CTNND2: variants seen among roughly 807,000 people sequenced by gnomAD.
The protein encoded by CTNND2 is catenin delta-2.
CTNND2 carries 22 observed loss-of-function variants against 144.4 expected under a neutral mutation model. The ratio of observed to expected loss-of-function variants is 0.15; its 90% confidence interval spans 0.11 to 0.22. The LOEUF (loss-of-function observed/expected upper bound fraction) is 0.22, where lower values mean the gene tolerates loss of function less well. Ranked by LOEUF, CTNND2 falls within the 10% of genes least tolerant of loss-of-function variation. The probability of loss-of-function intolerance (pLI) is 1.00; values close to 1 mark genes in which losing one functional copy is unlikely to be tolerated. For missense variants in CTNND2, 1,353 were observed against 1,618.8 expected, an observed-to-expected ratio of 0.84 and a Z score of 2.82; for synonymous variants, 751 against 695.6, an observed-to-expected ratio of 1.08 and a Z score of -1.25.
intron 1 of CTNND2, among the ~76,000 whole-genome samples, chr5:11,888,172 C>A (rs1433413331): frequency 1.3e-5 from 2 of 152,090 alleles, no homozygotes; most frequent in African/African-American, 4.8e-5. Context: ...AGTGCAAAAA[C>A]AAAATGTTGT....
chr5:11,291,537 ACT>A (rs1376690038), intron 9 of CTNND2, among the ~76,000 whole-genome samples: 1 of 150,558 alleles, frequency 6.6e-6, no homozygotes, highest in African/African-American at 2.4e-5. Flanking sequence ...TGCACATGAC[ACT>A]CTCCTGCTCA....
intron 3 of CTNND2, among the ~76,000 whole-genome samples, chr5:11,470,243 C>A (rs1160731006): frequency 1.3e-5 from 2 of 152,042 alleles, no homozygotes; most frequent in Non-Finnish European, 2.9e-5. Flanking sequence ...CGAGACCAGG[C>A]TGACTAACAT....
intron 7 of CTNND2, among the ~76,000 whole-genome samples, chr5:11,382,256 A>T (rs921801610): frequency 2.6e-5 from 4 of 152,192 alleles, no homozygotes; most frequent in African/African-American, 7.2e-5. Flanking sequence ...CTGATTTCTT[A>T]TCCCTAGGAT....
At chr5:11,175,406 A>T (rs1760382503) in intron 11 of CTNND2, among the ~76,000 whole-genome samples, 1 of 152,196 alleles carries the variant, frequency 6.6e-6, no homozygotes, top group Admixed American at 6.5e-5. Context: ...GCTCTTGTTT[A>T]TCGCTCTATT....
At chr5:11,829,916 T>C (rs1157605387) in intron 1 of CTNND2, among the ~76,000 whole-genome samples, 1 of 152,206 alleles carries the variant, frequency 6.6e-6, no homozygotes, top group Non-Finnish European at 1.5e-5. Flanking sequence ...GGTGTGGAGC[T>C]GCCCAAGACC....
At chr5:11,333,675 G>A (rs776675835) in intron 9 of CTNND2, among the ~76,000 whole-genome samples, 1 of 152,188 alleles carries the variant, frequency 6.6e-6, no homozygotes, top group Non-Finnish European at 1.5e-5. Context: ...GGAAGAGTAG[G>A]GATGACCTTC....
intron 12 of CTNND2, among the ~76,000 whole-genome samples, chr5:11,151,648 A>C (rs2149753936): frequency 6.6e-6 from 1 of 152,372 alleles, no homozygotes; most frequent in Middle Eastern, 3.4e-3. Flanking sequence ...ACCAAATTAC[A>C]GGATACATAA....
chr5:11,088,143 G>A (rs1198561200), intron 15 of CTNND2, among the ~76,000 whole-genome samples: 3 of 152,192 alleles, frequency 2.0e-5, no homozygotes, highest in Non-Finnish European at 4.4e-5. Flanking sequence ...TGTGCAACTG[G>A]TATCTAGAAA....
intron 11 of CTNND2, among the ~76,000 whole-genome samples, chr5:11,197,697 C>T (rs1031037524): frequency 6.6e-6 from 1 of 152,172 alleles, no homozygotes; most frequent in Admixed American, 6.5e-5. Flanking sequence ...AGACTGCGGT[C>T]AGTTCCTTTA....
At chr5:11,525,448 A>G (rs1773152655) in intron 3 of CTNND2, among the ~76,000 whole-genome samples, 1 of 152,234 alleles carries the variant, frequency 6.6e-6, no homozygotes. Context: ...GAATTTAGGA[A>G]GAGGTTAAAT....
intron 3 of CTNND2, among the ~76,000 whole-genome samples, chr5:11,506,325 A>G (rs895637624): frequency 6.6e-6 from 1 of 152,208 alleles, no homozygotes; most frequent in Non-Finnish European, 1.5e-5. Context: ...CCTACAACAC[A>G]GGGATAATAA....
At chr5:11,317,035 A>C (rs1434397335) in intron 9 of CTNND2, among the ~76,000 whole-genome samples, 1 of 152,204 alleles carries the variant, frequency 6.6e-6, no homozygotes, top group Non-Finnish European at 1.5e-5. Context: ...TCTCAAAAGA[A>C]GACATTTATG....
At chr5:11,548,039 T>A (rs567961399) in intron 3 of CTNND2, among the ~76,000 whole-genome samples, 16 of 151,272 alleles carry the variant, frequency 1.1e-4, no homozygotes, top group Non-Finnish European at 2.1e-4. Flanking sequence ...AATGACGGAG[T>A]AGGAGTCATC....
intron 16 of CTNND2, among the ~76,000 whole-genome samples, chr5:11,053,379 G>C (rs983986676): frequency 6.6e-6 from 1 of 152,110 alleles, no homozygotes. Flanking sequence ...TACTGAAGAG[G>C]GAATTCAACT....
At chr5:11,264,249 A>G (rs1180266949) in intron 9 of CTNND2, among the ~76,000 whole-genome samples, 1 of 152,250 alleles carries the variant, frequency 6.6e-6, no homozygotes, top group Non-Finnish European at 1.5e-5. Flanking sequence ...TGGCGAATCC[A>G]GAACCTGTGA....
At position 11,131,497 on chromosome 5, in the gene CTNND2, A is replaced by C. The variant is rs532903755; in HGVS notation, c.2160-13930T>G. ...GATTATTAACAGCTATTATTAAAAC[A>C]GCCTTTCCGGCTGGGCACAGTGGCT... On this transcript the variant is annotated intron_variant, in intron 12 of 21. Transcript: ENST00000304623. Among the ~76,000 whole-genome samples the C allele has an allele frequency of 3.1e-3, 471 of 152,322 alleles. 4 individuals are homozygous for C. The highest frequency in any genetic ancestry group is 0.01 in the African/African-American group (426 of 41,584).
At chr5:11,731,521 AT>A (rs1435114451) in intron 2 of CTNND2, among the ~76,000 whole-genome samples, 6 of 152,132 alleles carry the variant, frequency 3.9e-5, no homozygotes, top group African/African-American at 1.4e-4. Context: ...AGCTCTCTTT[AT>A]TTACTACTTT....
At chr5:11,533,001 A>G (rs1410309870) in intron 3 of CTNND2, among the ~76,000 whole-genome samples, 1 of 152,238 alleles carries the variant, frequency 6.6e-6, no homozygotes, top group East Asian at 1.9e-4. Context: ...TTTATGAGAT[A>G]ATAAAGCAAT....
chr5:11,394,284 T>G (rs545759216), intron 6 of CTNND2, among the ~76,000 whole-genome samples: 1 of 152,354 alleles, frequency 6.6e-6, no homozygotes, highest in African/African-American at 2.4e-5. Context: ...TCATGTCTAC[T>G]TTCTTTACTT....
Sources: gnomAD v4.1 joint callset for allele counts (sites outside exome capture counted in the v4.1 genomes callset) on GRCh38, gnomAD v4.1.1 for gene constraint, MANE v1.5 for transcripts, NCBI Gene and HGNC (gene_info 2026-07-23, HGNC 2026-07-21) for gene names.